Variants in MEGF10 observed in about 807,000 individuals in gnomAD.
The protein encoded by MEGF10 is multiple epidermal growth factor-like domains protein 10.
Under a neutral mutation model 147.5 loss-of-function variants are expected in MEGF10, and 86 were observed. That is an observed-to-expected ratio of 0.58 (90% CI 0.49 to 0.70). The LOEUF (loss-of-function observed/expected upper bound fraction) is 0.70, where lower values mean the gene tolerates loss of function less well. Ranked by LOEUF, MEGF10 falls within the 30% of genes least tolerant of loss-of-function variation. MEGF10 has a pLI of 0.00. For synonymous variants in MEGF10, 478 were observed against 525.5 expected, an observed-to-expected ratio of 0.91 and a Z score of 1.24; for missense variants, 1,329 against 1,487.3, an observed-to-expected ratio of 0.89 and a Z score of 1.75.
rs779080129 is a variant in MEGF10 at position 127,457,329 on chromosome 5, C to A, written c.*11C>A. 1 of 1,610,140 alleles carries A rather than the reference C, an allele frequency of 6.2e-7. No individual in the cohort carries two copies. Among genetic ancestry groups the A allele is most frequent in the Admixed American group, 1.7e-5 (1 of 59,842 alleles). On this transcript the variant is annotated 3_prime_UTR_variant, in exon 25 of 25. Coordinates refer to ENST00000503335, the MANE Select transcript of MEGF10 (RefSeq NM_001256545.2). ...AGCAGCAGTGAATGACACCAAAGGACCGCTTGGTAGCCACTGGAACCCTTT... is the reference window on the plus strand; with the variant it reads ...AGCAGCAGTGAATGACACCAAAGGAACGCTTGGTAGCCACTGGAACCCTTT...
At chr5:127,397,221 G>T (rs1258427449) in intron 6 of MEGF10, among the ~76,000 whole-genome samples, 1 of 152,190 alleles carries the variant, frequency 6.6e-6, no homozygotes, top group Non-Finnish European at 1.5e-5. Context: ...TGCATTAGAA[G>T]AGAAAAGGAG....
intron 2 of MEGF10, 117 bp downstream of exon 2, chr5:127,331,541 T>C: frequency 1.5e-6 from 1 of 648,078 alleles, no homozygotes; most frequent in South Asian, 2.4e-5. Context: ...ATTACTTTTA[T>C]GTAAAAATCA....
intron 4 of MEGF10, among the ~76,000 whole-genome samples, chr5:127,367,888 T>C (rs1042104224): frequency 6.6e-6 from 1 of 151,742 alleles, no homozygotes; most frequent in East Asian, 1.9e-4. Flanking sequence ...GGTGGGAGAG[T>C]CTCCTGTACC....
intron 5 of MEGF10, among the ~76,000 whole-genome samples, chr5:127,390,963 A>C (rs1001443250): frequency 5.3e-5 from 8 of 152,164 alleles, no homozygotes; most frequent in Admixed American, 1.3e-4. Flanking sequence ...TCACTATGAG[A>C]GTTAATCTAT....
chr5:127,266,063 T>G, the MEGF10 span, among the ~76,000 whole-genome samples: 7,348 of 151,504 alleles, frequency 0.049, 303 homozygotes, highest in African/African-American at 0.11. Context: ...GGTCTAACAT[T>G]TAAGTCTTTA....
chr5:127,428,233 A>C (rs1765272087), intron 13 of MEGF10, among the ~76,000 whole-genome samples: 1 of 145,084 alleles, frequency 6.9e-6, no homozygotes, highest in Non-Finnish European at 1.5e-5. Context: ...AACTTTGTTG[A>C]ACTATATAAA....
intron 5 of MEGF10, among the ~76,000 whole-genome samples, chr5:127,373,859 G>A (rs1762931940): frequency 6.6e-6 from 1 of 152,212 alleles, no homozygotes; most frequent in Non-Finnish European, 1.5e-5. Context: ...GTGCGATCCA[G>A]ACCTGCTGGA....
At chr5:127,290,135 C>G (rs3812058), upstream of MEGF10, among the ~76,000 whole-genome samples, 2,568 of 152,236 alleles carry the variant, frequency 0.017, 61 homozygotes, top group East Asian at 0.09. Context: ...AATAAATTGC[C>G]GCGCGAGGCC....
chr5:127,385,630 T>G (rs1387100187), intron 5 of MEGF10, among the ~76,000 whole-genome samples: 1 of 152,190 alleles, frequency 6.6e-6, no homozygotes, highest in South Asian at 2.1e-4. Flanking sequence ...GTAACACCAG[T>G]GGGGTTAGTT....
intron 7 of MEGF10, among the ~76,000 whole-genome samples, chr5:127,401,772 C>T (rs187249012): frequency 4.1e-4 from 62 of 152,264 alleles, no homozygotes; most frequent in East Asian, 3.7e-3. Flanking sequence ...GGTACAGTAT[C>T]TTATTCCTAT....
the MEGF10 span, among the ~76,000 whole-genome samples, chr5:127,280,626 G>A: frequency 4.6e-5 from 7 of 152,022 alleles, no homozygotes; most frequent in East Asian, 1.9e-4. Context: ...ACATACACGC[G>A]TGCAGTTTGT....
At chr5:127,366,263 T>G (rs186954338) in intron 4 of MEGF10, among the ~76,000 whole-genome samples, 109 of 152,298 alleles carry the variant, frequency 7.2e-4, no homozygotes, top group African/African-American at 2.2e-3. Context: ...TTACTCTGCC[T>G]TCCTCTGTTG....
chr5:127,433,025 A>AAG (rs1268127195), intron 13 of MEGF10, among the ~76,000 whole-genome samples: 2 of 152,196 alleles, frequency 1.3e-5, no homozygotes, highest in Non-Finnish European at 2.9e-5. Context: ...GAGGAGGAGG[A>AAG]AGTCACCAAG....
intron 20 of MEGF10, 121 bp from the exon 21 acceptor site, chr5:127,447,436 C>T (rs573516822): frequency 1.5e-6 from 2 of 1,372,662 alleles, no homozygotes; most frequent in Non-Finnish European, 1.0e-6. Flanking sequence ...CTTGGCCTCC[C>T]AAAGTGCTGG....
intron 1 of MEGF10, among the ~76,000 whole-genome samples, chr5:127,292,183 T>A (rs4836316): frequency 2.6e-5 from 4 of 151,788 alleles, no homozygotes; most frequent in Non-Finnish European, 5.9e-5. Flanking sequence ...CCACTGAGAG[T>A]TCAAAGAGTT....
intron 1 of MEGF10, among the ~76,000 whole-genome samples, chr5:127,298,105 A>T (rs1759590809): frequency 1.3e-5 from 2 of 152,236 alleles, no homozygotes; most frequent in African/African-American, 4.8e-5. Flanking sequence ...GAAAGAGTTC[A>T]TATCTTAACA....
At chr5:127,406,341 TCTTGTAA>T (rs1248825018) in intron 8 of MEGF10, among the ~76,000 whole-genome samples, 1 of 152,228 alleles carries the variant, frequency 6.6e-6, no homozygotes, top group Non-Finnish European at 1.5e-5. Flanking sequence ...GACCTGCTGC[TCTTGTAA>T]CTATTGTTTT....
chr5:127,424,538 C>T, intron 13 of MEGF10: 1 of 1,410,140 alleles, frequency 7.1e-7, no homozygotes, highest in East Asian at 2.6e-5. Context: ...AGTAGTGTCT[C>T]TCAGCCCCTT....
At chr5:127,274,419 T>C in the MEGF10 span, among the ~76,000 whole-genome samples, 1 of 152,156 alleles carries the variant, frequency 6.6e-6, no homozygotes, top group Admixed American at 6.5e-5. Context: ...TTTGTAAGAG[T>C]ATATTTCAAT....
Sources: gnomAD v4.1 joint callset for allele counts (sites outside exome capture counted in the v4.1 genomes callset) on GRCh38, gnomAD v4.1.1 for gene constraint, MANE v1.5 for transcripts, NCBI Gene and HGNC (gene_info 2026-07-23, HGNC 2026-07-21) for gene names.